Variants in WDR70 observed in about 807,000 individuals in gnomAD.
WDR70 encodes the protein WD repeat domain 70.
WDR70 carries 53 observed loss-of-function variants against 88.6 expected under a neutral mutation model. That is an observed-to-expected ratio of 0.60 (90% CI 0.48 to 0.75). WDR70 has a LOEUF of 0.75. Ranked by LOEUF, WDR70 falls within the 30% of genes least tolerant of loss-of-function variation. The pLI is 0.00. For synonymous variants in WDR70, 280 were observed against 270.0 expected (o/e 1.04, Z -0.36); for missense variants, 610 against 823.2 (o/e 0.74, Z 3.17).
At chr5:37,709,137 C>T (rs1441484059) in intron 13 of WDR70, among the ~76,000 whole-genome samples, 1 of 152,120 alleles carries the variant, frequency 6.6e-6, no homozygotes, top group Non-Finnish European at 1.5e-5. Flanking sequence ...CTACATTTGG[C>T]ATTTGTCTGC....
chr5:37,506,595 G>A (rs1409720807), intron 8 of WDR70: 2 of 775,970 alleles, frequency 2.6e-6, no homozygotes, highest in East Asian at 2.4e-5. Context: ...TAGCCACTCT[G>A]TGTGGAATCC....
chr5:37,685,576 G>GTTCA (rs1457443744), intron 10 of WDR70, among the ~76,000 whole-genome samples: 1 of 152,110 alleles, frequency 6.6e-6, no homozygotes, highest in Non-Finnish European at 1.5e-5. Flanking sequence ...TGCCCCTACA[G>GTTCA]TGTTCATGTC....
intron 17 of WDR70, among the ~76,000 whole-genome samples, chr5:37,745,051 C>T (rs1454796174): frequency 6.6e-6 from 1 of 152,108 alleles, no homozygotes; most frequent in African/African-American, 2.4e-5. Context: ...CAAAGGGAAG[C>T]CCATCAGACC....
chr5:37,564,556 GTGGGGA>G (rs1742676855), intron 9 of WDR70, among the ~76,000 whole-genome samples: 3 of 108,588 alleles, frequency 2.8e-5, no homozygotes, highest in Admixed American at 2.0e-4. Context: ...GAGGGAGACC[GTGGGGA>G]GAGGGAGAGG....
At chr5:37,486,035 C>T (rs1739857681) in intron 8 of WDR70, among the ~76,000 whole-genome samples, 1 of 151,870 alleles carries the variant, frequency 6.6e-6, no homozygotes, top group South Asian at 2.1e-4. Flanking sequence ...ATTAAATAAG[C>T]ACACATACAA....
chr5:37,513,742 C>A (rs1740793719), intron 8 of WDR70, among the ~76,000 whole-genome samples: 1 of 151,998 alleles, frequency 6.6e-6, no homozygotes, highest in African/African-American at 2.4e-5. Context: ...GAGGCTAGGC[C>A]AGTCTCTCAT....
At chr5:37,530,947 C>G (rs1287753152) in intron 9 of WDR70, among the ~76,000 whole-genome samples, 1 of 151,988 alleles carries the variant, frequency 6.6e-6, no homozygotes, top group Non-Finnish European at 1.5e-5. Context: ...TATGAACTTT[C>G]CTCTTAGCAC....
rs146222378 is a variant in WDR70 at position 37,579,410 on chromosome 5, C to G, written c.918-25654C>G. On this transcript the variant is annotated intron_variant, in intron 9 of 17. Coordinates refer to ENST00000265107, the MANE Select transcript of WDR70 (RefSeq NM_018034.4). ...ACCATCCCGGCCAACATGGTGAAAC[C>G]CCGTCTCTACTAAAAATACAAAAAT... Among the ~76,000 whole-genome samples, 978 of 151,754 alleles carry G rather than the reference C, an allele frequency of 6.4e-3. 14 individuals carry two copies. The highest frequency in any genetic ancestry group is 0.019 in the South Asian group (92 of 4,786).
chr5:37,524,941 T>G (rs954599490), intron 9 of WDR70, among the ~76,000 whole-genome samples: 1 of 152,190 alleles, frequency 6.6e-6, no homozygotes, highest in Admixed American at 6.5e-5. Flanking sequence ...ATCCTAAATA[T>G]ATATGCACCC....
chr5:37,663,391 C>A (rs900803010), intron 10 of WDR70, among the ~76,000 whole-genome samples: 1 of 152,162 alleles, frequency 6.6e-6, no homozygotes, highest in Non-Finnish European at 1.5e-5. Context: ...TTCTACTCGA[C>A]TATCCCAGTA....
At chr5:37,521,722 A>ACACC (rs1741096772) in intron 9 of WDR70, among the ~76,000 whole-genome samples, 2 of 151,884 alleles carry the variant, frequency 1.3e-5, no homozygotes, top group South Asian at 4.1e-4. Context: ...ACACACACAC[A>ACACC]CACACACACA....
At chr5:37,665,233 A>G (rs1254652719) in intron 10 of WDR70, among the ~76,000 whole-genome samples, 1 of 152,080 alleles carries the variant, frequency 6.6e-6, no homozygotes, top group East Asian at 1.9e-4. Flanking sequence ...TCTTCTTTCC[A>G]TTCACCTATA....
chr5:37,506,023 T>A, intron 8 of WDR70: 1 of 1,548,742 alleles, frequency 6.5e-7, no homozygotes, highest in Non-Finnish European at 8.9e-7. Context: ...CAGAGCATCT[T>A]GACTCCCTGG....
At chr5:37,693,035 C>T (rs1236923996) in intron 10 of WDR70, among the ~76,000 whole-genome samples, 1 of 152,026 alleles carries the variant, frequency 6.6e-6, no homozygotes, top group African/African-American at 2.4e-5. Context: ...ATACAAAATC[C>T]ATGTGAAAAA....
intron 5 of WDR70, among the ~76,000 whole-genome samples, chr5:37,432,415 G>A (rs1289696861): frequency 6.6e-6 from 1 of 152,144 alleles, no homozygotes; most frequent in Non-Finnish European, 1.5e-5. Flanking sequence ...TTGAGACGTA[G>A]TCTCGCTCTG....
At chr5:37,405,343 T>C (rs1749321329) in intron 5 of WDR70, among the ~76,000 whole-genome samples, 1 of 152,036 alleles carries the variant, frequency 6.6e-6, no homozygotes, top group African/African-American at 2.4e-5. Flanking sequence ...TATATTTTTT[T>C]TGCCTTATAC....
chr5:37,379,696 A>T (rs541607556), intron 2 of WDR70, 142 bp downstream of exon 2: 3 of 904,984 alleles, frequency 3.3e-6, no homozygotes, highest in Non-Finnish European at 5.3e-6. Context: ...TTCTTCTCCC[A>T]TTTGTCTTCT....
At chr5:37,482,647 C>T (rs1739708876) in intron 8 of WDR70, among the ~76,000 whole-genome samples, 1 of 152,124 alleles carries the variant, frequency 6.6e-6, no homozygotes, top group South Asian at 2.1e-4. Context: ...TGACTTCTTG[C>T]TTGATTGCTA....
At chr5:37,388,409 C>T (rs1438935560) in intron 3 of WDR70, among the ~76,000 whole-genome samples, 1 of 141,246 alleles carries the variant, frequency 7.1e-6, no homozygotes, top group Non-Finnish European at 1.5e-5. Flanking sequence ...AGCCACCACG[C>T]CCAGCTGAAA....
Sources: allele counts gnomAD v4.1 joint callset (sites outside exome capture counted in the v4.1 genomes callset), GRCh38; gene constraint gnomAD v4.1.1; transcripts MANE v1.5; gene names NCBI Gene and HGNC (gene_info 2026-07-23, HGNC 2026-07-21).